Variants in P4HA3 observed in about 807,000 individuals in gnomAD.
P4HA3 encodes the protein prolyl 4-hydroxylase subunit alpha 3, also known as prolyl 4-hydroxylase subunit alpha-3.
A neutral mutation model predicts 66.7 loss-of-function variants in P4HA3; 60 were observed. The observed-to-expected ratio is 0.90, with a 90% CI of 0.73 to 1.12. The LOEUF is 1.12. P4HA3 is among the 50% of genes most tolerant of loss of function. The probability of loss-of-function intolerance (pLI) is 0.00; values close to 1 mark genes in which losing one functional copy is unlikely to be tolerated. For missense variants in P4HA3, 683 were observed against 685.8 expected, an observed-to-expected ratio of 1.00 and a Z score of 0.05; for synonymous variants, 263 against 274.6, an observed-to-expected ratio of 0.96 and a Z score of 0.42.
At chr11:74,263,652 T>C (rs1482311157), downstream of P4HA3, among the ~76,000 whole-genome samples, 6 of 152,328 alleles carry the variant, frequency 3.9e-5, no homozygotes, top group South Asian at 1.0e-3. Context: ...CAAATACACC[T>C]AAGTTCTCAG....
intron 10 of P4HA3, among the ~76,000 whole-genome samples, chr11:74,270,802 ATCATGCTACACATTTGGAAATTTAGG>A (rs1374164625): frequency 6.6e-6 from 1 of 152,172 alleles, no homozygotes; most frequent in Non-Finnish European, 1.5e-5. Flanking sequence ...GCTCATAACC[ATCATGCTACACATTTGGAAATTTAGG>A]TCATATCCAA....
intron 7 of P4HA3, chr11:74,285,581 A>AT: frequency 2.1e-6 from 1 of 466,012 alleles, no homozygotes; most frequent in Non-Finnish European, 3.8e-6. Flanking sequence ...CACATTTTCA[A>AT]TACCCCAGAG....
At chr11:74,276,744 T>C (rs927685348) in intron 9 of P4HA3, among the ~76,000 whole-genome samples, 1 of 152,078 alleles carries the variant, frequency 6.6e-6, no homozygotes, top group Non-Finnish European at 1.5e-5. Flanking sequence ...GTCCGATGAT[T>C]CCATGACAAG....
At chr11:74,285,137 CCTCT>C (rs900693024) in intron 7 of P4HA3, among the ~76,000 whole-genome samples, 114 of 150,548 alleles carry the variant, frequency 7.6e-4, no homozygotes, top group African/African-American at 2.6e-3. Flanking sequence ...GGGAAAATGA[CCTCT>C]CTCTCTCAAA....
intron 8 of P4HA3, among the ~76,000 whole-genome samples, chr11:74,278,375 A>G (rs1860472343): frequency 2.0e-5 from 3 of 152,200 alleles, no homozygotes; most frequent in Admixed American, 2.0e-4. Flanking sequence ...AAACACTGTG[A>G]TATGGAATCT....
intron 15 of P4HA3, chr11:74,252,637 A>T (rs748577840): frequency 1.3e-4 from 54 of 421,684 alleles, no homozygotes; most frequent in Admixed American, 5.1e-4. Context: ...GCATTGTAGG[A>T]TGCTTAGCAG....
At chr11:74,273,852 A>C (rs1860294729) in intron 9 of P4HA3, among the ~76,000 whole-genome samples, 3 of 152,282 alleles carry the variant, frequency 2.0e-5, no homozygotes, top group Admixed American at 6.5e-5. Context: ...ACTACTTGTC[A>C]GTAGTGAAAG....
chr11:74,298,925 T>C (rs1449584571), intron 3 of P4HA3, among the ~76,000 whole-genome samples: 3 of 152,260 alleles, frequency 2.0e-5, no homozygotes, highest in Admixed American at 6.5e-5. Context: ...ATTACAGTCT[T>C]GAATGTCATA....
chr11:74,267,351 G>C, intron 12 of P4HA3, 33 bp from the exon 13 acceptor site: 1 of 1,611,566 alleles, frequency 6.2e-7, no homozygotes, highest in Non-Finnish European at 8.5e-7. Context: ...GAGACAGCAG[G>C]CTCAGCAGAA....
chr11:74,292,715 T>C (rs2134787767), intron 4 of P4HA3, among the ~76,000 whole-genome samples: 1 of 152,318 alleles, frequency 6.6e-6, no homozygotes, highest in South Asian at 2.1e-4. Context: ...CCAGTAGTCA[T>C]TCAGGAGCAG....
In P4HA3 at chr11:74,304,296, C is replaced by A. The variant is rs181157380; in HGVS notation, c.317G>T (p.Ser106Ile). Residue 106 changes from serine (S) to isoleucine (I), a missense_variant, in exon 2 of 13, where the codon AGT becomes ATT. Ser to Ile is a moderately radical substitution (Grantham distance 142, BLOSUM62 -2). Transcript: ENST00000331597. Reference sequence around the variant, plus strand: ...TCGGATGTTCTCACTGGCCTCCAGACTATGTACCACATTCCTCCAGTCAGA... The same window carrying A: ...TCGGATGTTCTCACTGGCCTCCAGAATATGTACCACATTCCTCCAGTCAGA... ...LQSDWRNVVH[S>I]LEASENIRAL... The A allele has an allele frequency of 5.0e-6, 8 of 1,614,020 alleles. No homozygotes were observed. The East Asian group carries it at 1.8e-4, about 36-fold the overall frequency.
chr11:74,255,401 CT>C (rs1308593171), intron 15 of P4HA3, among the ~76,000 whole-genome samples: 16 of 152,194 alleles, frequency 1.1e-4, no homozygotes, highest in Non-Finnish European at 1.6e-4. Context: ...CTCCTCCCCC[CT>C]GGGTGGTCCT....
intron 5 of P4HA3, among the ~76,000 whole-genome samples, chr11:74,287,931 A>C (rs1485234292): frequency 6.6e-6 from 1 of 152,068 alleles, no homozygotes; most frequent in African/African-American, 2.4e-5. Flanking sequence ...AACAAGAATC[A>C]CTTGAACCTG....
At chr11:74,290,283 ATGGGGT>A (rs1860966857) in intron 4 of P4HA3, among the ~76,000 whole-genome samples, 1 of 151,914 alleles carries the variant, frequency 6.6e-6, no homozygotes, top group South Asian at 2.1e-4. Context: ...CCACTTTTTG[ATGGGGT>A]TGTTTGTCTT....
At chr11:74,264,308 G>A (rs1180927017), downstream of P4HA3, among the ~76,000 whole-genome samples, 1 of 152,098 alleles carries the variant, frequency 6.6e-6, no homozygotes, top group Non-Finnish European at 1.5e-5. Flanking sequence ...GTGGTAAAGC[G>A]TTTTGAAAAT....
chr11:74,283,979 G>A (rs930277535), intron 7 of P4HA3, among the ~76,000 whole-genome samples: 1 of 152,194 alleles, frequency 6.6e-6, no homozygotes, highest in Admixed American at 6.5e-5. Context: ...TTTCCAAGAG[G>A]AAAGAACCAA....
chr11:74,291,930 G>A (rs536663461), intron 4 of P4HA3, among the ~76,000 whole-genome samples: 42 of 151,876 alleles, frequency 2.8e-4, no homozygotes, highest in African/African-American at 9.9e-4. Flanking sequence ...TCTCTGCCGG[G>A]CTTTGGTATC....
At chr11:74,266,006 C>T (rs1052745408), downstream of P4HA3, among the ~76,000 whole-genome samples, 11 of 152,000 alleles carry the variant, frequency 7.2e-5, no homozygotes, top group African/African-American at 2.4e-4. Context: ...GGCATGGTCA[C>T]GGAAGCTCTG....
chr11:74,308,065 A>G (rs1861624249), intron 1 of P4HA3, among the ~76,000 whole-genome samples: 1 of 152,162 alleles, frequency 6.6e-6, no homozygotes, highest in Admixed American at 6.5e-5. Flanking sequence ...ATTTTTATTC[A>G]TTAACTTGGA....
Sources: allele counts gnomAD v4.1 joint callset (sites outside exome capture counted in the v4.1 genomes callset), GRCh38; gene constraint gnomAD v4.1.1; transcripts MANE v1.5; gene names NCBI Gene and HGNC (gene_info 2026-07-23, HGNC 2026-07-21).